Variants in STXBP5L observed in about 807,000 individuals in gnomAD.
STXBP5L encodes the protein syntaxin binding protein 5L, also known as syntaxin-binding protein 5-like.
Under a neutral mutation model 144.5 loss-of-function variants are expected in STXBP5L, and 65 were observed. The observed-to-expected ratio is 0.45, with a 90% CI of 0.37 to 0.55. The LOEUF (loss-of-function observed/expected upper bound fraction) is 0.55. Among genes scored for constraint, STXBP5L ranks in the 20% least tolerant of loss-of-function variants. The pLI, the probability that STXBP5L is intolerant of heterozygous loss-of-function variation, is 0.00. For missense variants in STXBP5L, 1,298 were observed against 1,405.5 expected, an observed-to-expected ratio of 0.92 and a Z score of 1.22; for synonymous variants, 505 against 469.6, an observed-to-expected ratio of 1.08 and a Z score of -0.97.
intron 19 of STXBP5L, among the ~76,000 whole-genome samples, chr3:121,291,289 C>G (rs930420603): frequency 6.6e-6 from 1 of 151,964 alleles, no homozygotes; most frequent in Non-Finnish European, 1.5e-5. Flanking sequence ...AAGAACTCAA[C>G]CCCTTTTACA....
At position 121,281,663 on chromosome 3, in the gene STXBP5L, A is replaced by G. The variant is rs73855358; in HGVS notation, c.2110+1707A>G. ...ATAATTTGACAAAGGTAATACAATT[A>G]TTATTTAATTTAAATTAAACTGCTT... On this transcript the variant is annotated intron_variant, in intron 19 of 26. Transcript: ENST00000471454. Among the ~76,000 whole-genome samples, 1,193 of 152,142 alleles carry G rather than the reference A, an allele frequency of 7.8e-3. 13 individuals carry two copies. The highest frequency in any genetic ancestry group is 0.028 in the African/African-American group (1,150 of 41,552).
chr3:121,098,154 A>T (rs906205775), intron 5 of STXBP5L, among the ~76,000 whole-genome samples: 2 of 152,092 alleles, frequency 1.3e-5, no homozygotes, highest in Admixed American at 1.3e-4. Flanking sequence ...TGTTTTTTAG[A>T]GTTGGTTTGA....
At chr3:120,986,613 C>T (rs552195446) in intron 3 of STXBP5L, among the ~76,000 whole-genome samples, 2 of 151,742 alleles carry the variant, frequency 1.3e-5, no homozygotes, top group Non-Finnish European at 2.9e-5. Flanking sequence ...TCTCTTGTAA[C>T]CTTTTTACAT....
Position 121,399,504 on chromosome 3 carries a change from G to C in STXBP5L, c.2588-7739G>C, listed in dbSNP as rs558209296. 2.6e-4 allele frequency among the ~76,000 whole-genome samples: 40 copies of C among 152,210 alleles called. 1 individual carries two copies. In the South Asian group the frequency reaches 8.1e-3, roughly 31 times the overall value. ...TTCAGAGCTGAGAGCCCTGAACAGA[G>C]ATTTACCCACGTATTTATCAACAGC... On this transcript the variant is annotated intron_variant, in intron 22 of 26. Coordinates refer to ENST00000471454, the MANE Select transcript of STXBP5L (RefSeq NM_001308330.2).
intron 2 of STXBP5L, among the ~76,000 whole-genome samples, chr3:120,918,327 T>G (rs184694521): frequency 3.2e-4 from 48 of 152,294 alleles, no homozygotes; most frequent in African/African-American, 9.6e-4. Context: ...ATTCACAGGT[T>G]CTTTGGGGGC....
At chr3:121,150,783 C>A (rs1483746824) in intron 7 of STXBP5L, among the ~76,000 whole-genome samples, 2 of 152,014 alleles carry the variant, frequency 1.3e-5, no homozygotes, top group Non-Finnish European at 2.9e-5. Context: ...GAGTCTCATA[C>A]ACTCAATAAA....
chr3:121,081,714 GT>G (rs2042256634), intron 5 of STXBP5L, among the ~76,000 whole-genome samples: 1 of 152,174 alleles, frequency 6.6e-6, no homozygotes, highest in Admixed American at 6.6e-5. Context: ...CTAGGCACTG[GT>G]TGTAGCTAAG....
intron 3 of STXBP5L, among the ~76,000 whole-genome samples, chr3:120,963,096 G>A (rs1418446445): frequency 2.0e-5 from 3 of 152,170 alleles, no homozygotes; most frequent in Non-Finnish European, 2.9e-5. Flanking sequence ...TGGTGTATAA[G>A]AATGCTTTTG....
intron 3 of STXBP5L, among the ~76,000 whole-genome samples, chr3:120,986,526 T>C (rs891504816): frequency 3.3e-5 from 5 of 152,020 alleles, no homozygotes; most frequent in African/African-American, 1.2e-4. Context: ...TTTTTGCTTA[T>C]ATTTTGATGG....
intron 10 of STXBP5L, among the ~76,000 whole-genome samples, chr3:121,209,968 C>G (rs1454444621): frequency 4.6e-5 from 7 of 152,206 alleles, no homozygotes; most frequent in Non-Finnish European, 7.3e-5. Flanking sequence ...ATGGCTGGGT[C>G]AAATGGTATT....
At chr3:121,000,717 C>A (rs1523508) in intron 3 of STXBP5L, among the ~76,000 whole-genome samples, 32,369 of 152,004 alleles carry the variant, frequency 0.21, 3,643 homozygotes, top group Non-Finnish European at 0.26. Flanking sequence ...AGAGGTCTTG[C>A]ACTGATTCTC....
intron 3 of STXBP5L, among the ~76,000 whole-genome samples, chr3:120,968,580 A>T (rs911222508): frequency 6.6e-6 from 1 of 152,162 alleles, no homozygotes. Flanking sequence ...TTTTTAAAAT[A>T]AATTTCAAAA....
intron 7 of STXBP5L, among the ~76,000 whole-genome samples, chr3:121,141,897 CCT>C (rs1240568019): frequency 7.2e-5 from 11 of 151,808 alleles, no homozygotes; most frequent in Non-Finnish European, 8.8e-5. Context: ...CAAATCATTC[CCT>C]GTCAATAATT....
chr3:121,305,534 A>C (rs1239564091), intron 19 of STXBP5L, among the ~76,000 whole-genome samples: 1 of 152,180 alleles, frequency 6.6e-6, no homozygotes, highest in Non-Finnish European at 1.5e-5. Context: ...AATACTGATT[A>C]ACATAAGAAA....
intron 3 of STXBP5L, among the ~76,000 whole-genome samples, chr3:121,004,395 G>A (rs1394289797): frequency 6.6e-6 from 1 of 152,046 alleles, no homozygotes; most frequent in Non-Finnish European, 1.5e-5. Flanking sequence ...TTTGCCCATT[G>A]ATTTTGTATC....
intron 3 of STXBP5L, among the ~76,000 whole-genome samples, chr3:120,973,858 C>A (rs1341756766): frequency 1.3e-5 from 2 of 152,166 alleles, no homozygotes; most frequent in South Asian, 2.1e-4. Flanking sequence ...CCATTCCCTA[C>A]AAAGGACATG....
chr3:121,011,080 C>G (rs1471186087), intron 3 of STXBP5L, among the ~76,000 whole-genome samples: 1 of 149,008 alleles, frequency 6.7e-6, no homozygotes, highest in Non-Finnish European at 1.5e-5. Context: ...GTATGTCTAC[C>G]TCTTGGAGTT....
At chr3:120,957,887 A>T (rs751447433) in intron 3 of STXBP5L, among the ~76,000 whole-genome samples, 12 of 152,106 alleles carry the variant, frequency 7.9e-5, no homozygotes, top group Non-Finnish European at 1.5e-4. Context: ...AAGCTAGCAG[A>T]GACAAGAAAT....
intron 11 of STXBP5L, among the ~76,000 whole-genome samples, chr3:121,226,609 G>A (rs1470542789): frequency 6.6e-6 from 1 of 152,132 alleles, no homozygotes; most frequent in African/African-American, 2.4e-5. Context: ...AGTCTGGACT[G>A]GGGAAAGAGG....
Sources: allele counts gnomAD v4.1 joint callset (sites outside exome capture counted in the v4.1 genomes callset), GRCh38; gene constraint gnomAD v4.1.1; transcripts MANE v1.5; gene names NCBI Gene and HGNC (gene_info 2026-07-23, HGNC 2026-07-21).